SLCO3A1: variants seen among roughly 807,000 people sequenced by gnomAD.
SLCO3A1 encodes the protein PGE1 transporter.
SLCO3A1 carries 27 observed loss-of-function variants against 63.1 expected under a neutral mutation model. That is an observed-to-expected ratio of 0.43 (90% CI 0.32 to 0.59). The LOEUF is 0.59. Ranked by LOEUF, SLCO3A1 falls within the 20% of genes least tolerant of loss-of-function variation. The probability of loss-of-function intolerance (pLI) is 0.09; values close to 1 mark genes in which losing one functional copy is unlikely to be tolerated. For synonymous variants in SLCO3A1, 473 were observed against 409.9 expected (o/e 1.15, Z -1.86); for missense variants, 773 against 945.8 (o/e 0.82, Z 2.40).
At chr15:91,945,285 T>G (rs1174669137) in intron 2 of SLCO3A1, among the ~76,000 whole-genome samples, 1 of 148,974 alleles carries the variant, frequency 6.7e-6, no homozygotes. Context: ...GAGGTTGCAG[T>G]GAACCTAGAT....
intron 2 of SLCO3A1, among the ~76,000 whole-genome samples, chr15:92,030,039 G>A (rs1230580478): frequency 1.3e-5 from 2 of 152,182 alleles, no homozygotes; most frequent in African/African-American, 4.8e-5. Context: ...AACAGTTGGT[G>A]ATAGGAGTCC....
Position 91,954,905 on chromosome 15 carries a change from T to C in SLCO3A1, c.646+38447T>C, listed in dbSNP as rs923177328. 1.3e-5 allele frequency among the ~76,000 whole-genome samples: 2 copies of C among 152,078 alleles called. No individual in the cohort carries two copies. The highest frequency in any genetic ancestry group is 2.9e-5 in the Non-Finnish European group (2 of 68,000). On this transcript the variant is annotated intron_variant, in intron 2 of 9. Coordinates refer to ENST00000318445, the MANE Select transcript of SLCO3A1 (RefSeq NM_013272.4). The surrounding 1 kb of genome is among the most constrained non-coding windows in gnomAD (Gnocchi z 4.7). ...GGACAGCACCACCCCTCCTAATTCC[T>C]AGGAATTAGGCCCTTCTTGGCTCTG...
chr15:92,047,592 T>TA (rs1183038986), intron 2 of SLCO3A1, among the ~76,000 whole-genome samples: 564 of 22,794 alleles, frequency 0.025, 151 homozygotes, highest in Middle Eastern at 0.088. Flanking sequence ...AATATATATA[T>TA]AATATATAAT....
At chr15:92,087,154 C>T (rs2047415049) in intron 2 of SLCO3A1, among the ~76,000 whole-genome samples, 1 of 147,898 alleles carries the variant, frequency 6.8e-6, no homozygotes, top group Non-Finnish European at 1.5e-5. Context: ...TCCCCCACCA[C>T]CCCCCTCCCT....
intron 2 of SLCO3A1, among the ~76,000 whole-genome samples, chr15:92,092,638 A>G (rs1322208063): frequency 6.6e-6 from 1 of 151,846 alleles, no homozygotes; most frequent in Non-Finnish European, 1.5e-5. Context: ...GACTCGGACA[A>G]CTGTTCTCCA....
At chr15:91,962,143 C>T (rs1038471288) in intron 2 of SLCO3A1, among the ~76,000 whole-genome samples, 4 of 152,032 alleles carry the variant, frequency 2.6e-5, no homozygotes, top group East Asian at 1.9e-4. Flanking sequence ...CAGACTGCAG[C>T]GGGAGGTAGC....
chr15:91,989,954 T>G (rs28545135), intron 2 of SLCO3A1, among the ~76,000 whole-genome samples: 8,561 of 152,294 alleles, frequency 0.056, 817 homozygotes, highest in African/African-American at 0.19. Flanking sequence ...CTTGAAAAGA[T>G]TAGCTGTAGA....
At chr15:91,974,195 G>T (rs542167910) in intron 2 of SLCO3A1, among the ~76,000 whole-genome samples, 1 of 152,102 alleles carries the variant, frequency 6.6e-6, no homozygotes, top group Non-Finnish European at 1.5e-5. Context: ...AACCAGGACA[G>T]CAGGTTCCAG....
Position 91,883,512 on chromosome 15 carries a change from T to A in SLCO3A1, c.180+29424T>A, listed in dbSNP as rs1597087780. Among the ~76,000 whole-genome samples the A allele has an allele frequency of 6.6e-6, 1 of 152,224 alleles. No homozygotes were observed. Among genetic ancestry groups the A allele is most frequent in the Non-Finnish European group, 1.5e-5 (1 of 68,034 alleles). ...CTGGGGCCCTTCATCCTTTGCATTT[T>A]CTTGCATGCAGTAGTCTTCCATAGG... On this transcript the variant is annotated intron_variant, in intron 1 of 9. Coordinates refer to ENST00000318445, the MANE Select transcript of SLCO3A1 (RefSeq NM_013272.4). The surrounding 1 kb of genome is among the most constrained non-coding windows in gnomAD (Gnocchi z 4.8).
chr15:92,031,357 G>T (rs1343881856), intron 2 of SLCO3A1, among the ~76,000 whole-genome samples: 1 of 152,202 alleles, frequency 6.6e-6, no homozygotes, highest in African/African-American at 2.4e-5. Context: ...AACTTATCCA[G>T]TGCACAGCAG....
chr15:92,161,731 TGCCGGC>T (rs2048439448), intron 9 of SLCO3A1: 3 of 151,012 alleles, frequency 2.0e-5, no homozygotes, highest in South Asian at 2.1e-4. Flanking sequence ...ACACACAGTA[TGCCGGC>T]GCTTTGCAGT....
intron 4 of SLCO3A1, among the ~76,000 whole-genome samples, chr15:92,119,918 G>C (rs996972399): frequency 6.6e-6 from 1 of 152,058 alleles, no homozygotes; most frequent in Non-Finnish European, 1.5e-5. Flanking sequence ...GCAAGAAGGG[G>C]TTTTATTAGG....
chr15:91,862,603 G>A lies in SLCO3A1; in HGVS notation c.180+8515G>A, dbSNP rs1278560297. Among the ~76,000 whole-genome samples the A allele has an allele frequency of 1.3e-5, 2 of 152,162 alleles. No homozygotes were observed. Among genetic ancestry groups the A allele is most frequent in the Non-Finnish European group, 2.9e-5 (2 of 68,040 alleles). ...TTGAGACTTTCTTGGTAGCTCTAAA[G>A]TCTCTTCTGGCTCTCCGTCCATTGA... On this transcript the variant is annotated intron_variant, in intron 1 of 9. Coordinates refer to ENST00000318445, the MANE Select transcript of SLCO3A1 (RefSeq NM_013272.4). This position sits in a 1 kb window ranked among gnomAD's most constrained non-coding sequence, Gnocchi z 4.0.
At chr15:92,102,350 T>C (rs966120386) in intron 3 of SLCO3A1, among the ~76,000 whole-genome samples, 1 of 152,176 alleles carries the variant, frequency 6.6e-6, no homozygotes, top group African/African-American at 2.4e-5. Flanking sequence ...AGATCCCTAT[T>C]TTGAGATTCT....
intron 2 of SLCO3A1, among the ~76,000 whole-genome samples, chr15:91,992,977 C>A (rs1381373955): frequency 6.6e-6 from 1 of 152,156 alleles, no homozygotes; most frequent in Admixed American, 6.5e-5. Context: ...TCTAAGGAAC[C>A]TTGAAGGGAA....
chr15:91,880,711 C>T (rs1402550763), intron 1 of SLCO3A1, among the ~76,000 whole-genome samples: 1 of 151,818 alleles, frequency 6.6e-6, no homozygotes, highest in Non-Finnish European at 1.5e-5. Flanking sequence ...CTTTTTATTG[C>T]AGAGTGATAT....
chr15:92,089,095 G>T (rs925510428), intron 2 of SLCO3A1, among the ~76,000 whole-genome samples: 1 of 151,548 alleles, frequency 6.6e-6, no homozygotes, highest in African/African-American at 2.4e-5. Context: ...GCGTGATCTC[G>T]GCTCACTACA....
intron 9 of SLCO3A1, chr15:92,155,213 C>G (rs2048356593): frequency 6.6e-6 from 1 of 152,394 alleles, no homozygotes; most frequent in Admixed American, 6.5e-5. Context: ...TACTCCTTTT[C>G]TCTCCAGGCT....
chr15:92,060,903 T>C (rs1450039614), intron 2 of SLCO3A1, among the ~76,000 whole-genome samples: 1 of 152,228 alleles, frequency 6.6e-6, no homozygotes, highest in African/African-American at 2.4e-5. Context: ...AGAATCAGGA[T>C]CATCAAGACA....
Sources: gnomAD v4.1 joint callset for allele counts (sites outside exome capture counted in the v4.1 genomes callset) on GRCh38, gnomAD v4.1.1 for gene constraint, Gnocchi (gnomAD v3.1) non-coding constraint, MANE v1.5 for transcripts, NCBI Gene and HGNC (gene_info 2026-07-23, HGNC 2026-07-21) for gene names.